RBPMS: variants seen among roughly 807,000 people sequenced by gnomAD.
RBPMS encodes RNA-binding protein with multiple splicing.
A neutral mutation model predicts 26.8 loss-of-function variants in RBPMS; 7 were observed. That is an observed-to-expected ratio of 0.26 (90% CI 0.15 to 0.49). The LOEUF is 0.49. Among genes scored for constraint, RBPMS ranks in the 20% least tolerant of loss-of-function variants. RBPMS has a pLI of 0.98. For missense variants in RBPMS, 186 were observed against 250.0 expected (o/e 0.74, Z 1.73); for synonymous variants, 96 against 93.3 (o/e 1.03, Z -0.17).
intron 4 of RBPMS, among the ~76,000 whole-genome samples, chr8:30,480,182 C>T (rs899734782): frequency 3.9e-5 from 6 of 152,192 alleles, no homozygotes; most frequent in African/African-American, 9.6e-5. Flanking sequence ...TGAACAAGTG[C>T]TGACTGAAGC....
At chr8:30,459,074 G>T (rs1043159680) in intron 1 of RBPMS, among the ~76,000 whole-genome samples, 1 of 150,414 alleles carries the variant, frequency 6.6e-6, no homozygotes, top group Non-Finnish European at 1.5e-5. Flanking sequence ...AGCGATTCTC[G>T]TGCCTCAGCC....
chr8:30,495,708 C>A (rs781201509), intron 4 of RBPMS, among the ~76,000 whole-genome samples: 2 of 152,192 alleles, frequency 1.3e-5, no homozygotes, highest in Non-Finnish European at 2.9e-5. Flanking sequence ...GTCCTGATGT[C>A]TTTGCAAGCA....
At chr8:30,421,942 G>A (rs1021630061) in intron 1 of RBPMS, among the ~76,000 whole-genome samples, 3 of 124,388 alleles carry the variant, frequency 2.4e-5, no homozygotes, top group African/African-American at 6.4e-5. Context: ...GTGACATAGC[G>A]AGACTCTGTC....
At chr8:30,560,190 C>T (rs552803892) in intron 7 of RBPMS, among the ~76,000 whole-genome samples, 2 of 152,234 alleles carry the variant, frequency 1.3e-5, no homozygotes, top group East Asian at 3.9e-4. Flanking sequence ...GCCCTGTTGA[C>T]CTGAAGTCTC....
At chr8:30,568,644 C>T (rs1326423110) in intron 8 of RBPMS, among the ~76,000 whole-genome samples, 3 of 152,156 alleles carry the variant, frequency 2.0e-5, no homozygotes, top group South Asian at 2.1e-4. Flanking sequence ...GAAGGCCCCG[C>T]GAGGAGAACC....
At chr8:30,531,393 T>C (rs914264724) in intron 5 of RBPMS, among the ~76,000 whole-genome samples, 3 of 152,206 alleles carry the variant, frequency 2.0e-5, no homozygotes, top group Non-Finnish European at 2.9e-5. Flanking sequence ...TTTTGCATCA[T>C]TGCAACTGAA....
intron 1 of RBPMS, among the ~76,000 whole-genome samples, chr8:30,423,171 C>A (rs1258919763): frequency 1.3e-5 from 2 of 152,200 alleles, no homozygotes; most frequent in Admixed American, 1.3e-4. Context: ...ATCTGGTTTC[C>A]CAGCCTCGCC....
intron 1 of RBPMS, among the ~76,000 whole-genome samples, chr8:30,441,897 C>T (rs1813119358): frequency 6.6e-6 from 1 of 152,180 alleles, no homozygotes; most frequent in Admixed American, 6.5e-5. Context: ...TCAAGCGATT[C>T]TCCTGCCTCA....
At chr8:30,537,688 A>T in intron 5 of RBPMS, 2 of 455,390 alleles carry the variant, frequency 4.4e-6, no homozygotes, top group Non-Finnish European at 8.8e-6. Context: ...GTTGGGCTGG[A>T]TATTTAACCT....
intron 4 of RBPMS, among the ~76,000 whole-genome samples, chr8:30,482,265 AG>A (rs1818358142): frequency 6.6e-6 from 1 of 152,238 alleles, no homozygotes; most frequent in African/African-American, 2.4e-5. Flanking sequence ...TCATCTGTCC[AG>A]GGTTCTCTTA....
At chr8:30,556,238 C>T in intron 6 of RBPMS, 1 of 985,460 alleles carries the variant, frequency 1.0e-6, no homozygotes, top group Non-Finnish European at 1.2e-6. Flanking sequence ...GGCGTCCTCA[C>T]TCCTCAGCTG....
chr8:30,527,215 C>G (rs561898550), intron 5 of RBPMS, among the ~76,000 whole-genome samples: 1 of 152,306 alleles, frequency 6.6e-6, no homozygotes, highest in African/African-American at 2.4e-5. Context: ...CCCTCAGACA[C>G]GCTACTCATT....
At chr8:30,491,159 A>G (rs370876106) in intron 4 of RBPMS, among the ~76,000 whole-genome samples, 25 of 152,188 alleles carry the variant, frequency 1.6e-4, no homozygotes, top group African/African-American at 6.0e-4. Context: ...GGTATTAGTA[A>G]ATGATGTTGA....
At chr8:30,545,342 G>A (rs1453668471) in intron 6 of RBPMS, 29 of 1,148,870 alleles carry the variant, frequency 2.5e-5, no homozygotes, top group Admixed American at 1.3e-4. Flanking sequence ...TCTCCCCTTG[G>A]AGAAAATATT....
rs1006319009 is a variant in RBPMS, at chr8:30,477,236, G to A, written c.145-563G>A. ...CTCGGCTAATTTTTTTGTATTTTTA[G>A]TAGAGATGGGGTTTCACCACTTGTC... On this transcript the variant is annotated intron_variant, in intron 2 of 8. Transcript: ENST00000397323. 2.0e-5 allele frequency among the ~76,000 whole-genome samples: 3 copies of A among 152,126 alleles called. No individual in the cohort carries two copies. The East Asian group carries it at 5.8e-4, about 29-fold the overall frequency.
intron 8 of RBPMS, among the ~76,000 whole-genome samples, chr8:30,567,913 G>C (rs763492079): frequency 6.6e-6 from 1 of 152,140 alleles, no homozygotes; most frequent in South Asian, 2.1e-4. Flanking sequence ...TTACAGCAGC[G>C]AGTTTGGAGG....
At chr8:30,498,672 T>A (rs1261336503) in intron 4 of RBPMS, among the ~76,000 whole-genome samples, 1 of 152,178 alleles carries the variant, frequency 6.6e-6, no homozygotes, top group East Asian at 1.9e-4. Context: ...TAATAGACTT[T>A]TTATAGTGGT....
intron 1 of RBPMS, among the ~76,000 whole-genome samples, chr8:30,415,370 T>A (rs1809941615): frequency 6.6e-6 from 1 of 152,198 alleles, no homozygotes; most frequent in South Asian, 2.1e-4. Context: ...TGCTTTTCAG[T>A]CCTTGCTGTC....
intron 1 of RBPMS, among the ~76,000 whole-genome samples, chr8:30,408,398 G>A (rs1391601848): frequency 3.3e-5 from 5 of 152,144 alleles, no homozygotes; most frequent in South Asian, 2.1e-4. Flanking sequence ...GCGTGGTGGC[G>A]GGTGCCTGTA....
Sources: gnomAD v4.1 joint callset for allele counts (sites outside exome capture counted in the v4.1 genomes callset) on GRCh38, gnomAD v4.1.1 for gene constraint, MANE v1.5 for transcripts, NCBI Gene and HGNC (gene_info 2026-07-23, HGNC 2026-07-21) for gene names.